The following CDC16 variants were observed in gnomAD, a reference collection of about 807,000 sequenced individuals.
The protein encoded by CDC16 is cell division cycle 16, also known as cell division cycle protein 16 homolog.
Under a neutral mutation model 87.0 loss-of-function variants are expected in CDC16, and 34 were observed. That is an observed-to-expected ratio of 0.39 (90% CI 0.30 to 0.52). CDC16 has a LOEUF of 0.52. Ranked by LOEUF, CDC16 falls within the 20% of genes least tolerant of loss-of-function variation. The pLI is 0.74. For missense variants in CDC16, 653 were observed against 751.9 expected, an observed-to-expected ratio of 0.87 and a Z score of 1.54; for synonymous variants, 263 against 260.6, an observed-to-expected ratio of 1.01 and a Z score of -0.09.
chr13:114,265,655 T>C lies in CDC16; in HGVS notation c.1603+415T>C, dbSNP rs1413537791. On this transcript the variant is annotated intron_variant, in intron 17 of 17. Transcript: ENST00000356221. ...CAATAGAATGTTGAGATGCCATACATTTCCATAACAGTGAATAAGTAATAG... is the reference window on the plus strand; with the variant it reads ...CAATAGAATGTTGAGATGCCATACACTTCCATAACAGTGAATAAGTAATAG... Among the ~76,000 whole-genome samples the C allele has an allele frequency of 5.3e-5, 8 of 152,336 alleles. No homozygotes were observed. The East Asian group carries it at 1.5e-3, about 29-fold the overall frequency.
intron 17 of CDC16, among the ~76,000 whole-genome samples, chr13:114,270,573 G>T (rs114530218): frequency 1.3e-5 from 2 of 151,810 alleles, no homozygotes; most frequent in South Asian, 4.1e-4. Context: ...CCAGGAGTGG[G>T]CACAGGGTCT....
intron 14 of CDC16, among the ~76,000 whole-genome samples, 179 bp downstream of exon 14, chr13:114,259,577 T>A (rs1206788606): frequency 6.6e-6 from 1 of 152,082 alleles, no homozygotes; most frequent in Non-Finnish European, 1.5e-5. Flanking sequence ...AAGAAATGAG[T>A]TTTTTCCCTA....
At chr13:114,253,341 C>T (rs527294813) in intron 12 of CDC16, among the ~76,000 whole-genome samples, 1 of 152,146 alleles carries the variant, frequency 6.6e-6, no homozygotes, top group African/African-American at 2.4e-5. Flanking sequence ...TGTTTTTTAA[C>T]TTAATTCCAT....
Position 114,257,078 on chromosome 13 carries a change from G to A in CDC16, c.1098G>A (p.Gly366=). 2 of 1,521,572 alleles carry A rather than the reference G, an allele frequency of 1.3e-6. No individual in the cohort carries two copies. The highest frequency in any genetic ancestry group is 1.8e-6 in the Non-Finnish European group (2 of 1,123,824). The allele number at this position is 1,521,572 out of a possible 1,614,324, so 94.3% of individuals were successfully genotyped here. A position where few individuals can be genotyped will look rare whatever the true frequency, so the allele number is the denominator to read the frequency against. ...AYFTAAQLMK[G]CHLPMLYIGL... ...TATGTGAAATTTTCCAATTTTTTAG[G>A]TGTCATTTGCCTATGCTGTATATTG... is the stretch of plus-strand genomic sequence containing the variant. Residue 366 remains glycine (G), a splice_region_variant and synonymous_variant, in exon 13 of 18, where the codon GGG becomes GGA. Transcript: ENST00000356221.
chr13:114,255,886 C>T (rs1438143090), intron 12 of CDC16, among the ~76,000 whole-genome samples: 1 of 152,194 alleles, frequency 6.6e-6, no homozygotes, highest in African/African-American at 2.4e-5. Context: ...TTCACCTTAG[C>T]CTCCCAGAGT....
At chr13:114,253,990 C>T (rs979009481) in intron 12 of CDC16, among the ~76,000 whole-genome samples, 22 of 152,198 alleles carry the variant, frequency 1.4e-4, no homozygotes, top group Admixed American at 3.9e-4. Flanking sequence ...TAGGTGTGTA[C>T]ATGTTTATAA....
chr13:114,270,424 T>C (rs1362477787), intron 17 of CDC16, among the ~76,000 whole-genome samples: 1 of 152,172 alleles, frequency 6.6e-6, no homozygotes, highest in African/African-American at 2.4e-5. Flanking sequence ...ACCTCCAACA[T>C]TGAGGATTAC....
chr13:114,245,113 GAGGAA>G, intron 9 of CDC16, 144 bp downstream of exon 9: 1 of 521,504 alleles, frequency 1.9e-6, no homozygotes, highest in South Asian at 2.9e-5. Context: ...AACAACTGGG[GAGGAA>G]ATGTTTAGGA....
At chr13:114,252,749 A>G (rs972241528) in intron 12 of CDC16, among the ~76,000 whole-genome samples, 2 of 152,228 alleles carry the variant, frequency 1.3e-5, no homozygotes, top group African/African-American at 4.8e-5. Flanking sequence ...CAGAATAGTT[A>G]TTAGTTAGTT....
chr13:114,263,587 A>G (rs897799052), intron 16 of CDC16, among the ~76,000 whole-genome samples: 3 of 152,250 alleles, frequency 2.0e-5, no homozygotes, highest in African/African-American at 7.2e-5. Context: ...TAGTACATAC[A>G]TAGAAATGTA....
rs927543999 is a variant in CDC16, at chr13:114,257,156, C to T, written c.1176C>T (p.Ser392=). 1.5e-5 allele frequency: 24 copies of T among 1,613,036 alleles called. No individual in the cohort carries two copies. The highest frequency in any genetic ancestry group is 1.8e-5 in the Non-Finnish European group (21 of 1,179,280). The change falls in exon 13 of 18, where the codon AGC becomes AGT. Residue 392 remains serine (S), a synonymous_variant. Coordinates refer to ENST00000356221, the MANE Select transcript of CDC16 (RefSeq NM_001078645.3). ...CAAAACTAGCTGAAAGGTTCTTCAG[C>T]CAAGCTCTGAGCATTGCACCGGAAG... ...NNSKLAERFF[S]QALSIAPEDP...
chr13:114,265,222 G>T lies in CDC16; in HGVS notation c.1585G>T (p.Asp529Tyr). ...TCATTGCATCGAAATGTACATTGGT[G>T]ATTCTGAAGCTTATATTGGTAAGAT... ...LGHCIEMYIG[D>Y]SEAYIGADIK... The change falls in exon 17 of 18, where the codon GAT (aspartate) becomes TAT (tyrosine). Residue 529 changes from aspartate to tyrosine, a missense_variant. By Grantham distance (160) the Asp-to-Tyr change is radical. Transcript: ENST00000356221. 6.2e-7 allele frequency: 1 copy of T among 1,606,118 alleles called. No homozygotes were observed. Among genetic ancestry groups the T allele is most frequent in the South Asian group, 1.1e-5 (1 of 90,906 alleles).
Position 114,265,138 on chromosome 13 carries a change from CT to C in CDC16, c.1513-8del. Reference sequence around the variant, plus strand: ...TTTTCTTTTAATAACCATGCTGAATCTTTTATGGCAGGCCCTTGGTCTTAGG... The same window carrying C: ...TTTTCTTTTAATAACCATGCTGAATCTTTATGGCAGGCCCTTGGTCTTAGG... On this transcript the variant is annotated splice_polypyrimidine_tract_variant and intron_variant, in intron 16 of 17. Coordinates refer to ENST00000356221, the MANE Select transcript of CDC16 (RefSeq NM_001078645.3). 2 of 1,571,650 alleles carry C rather than the reference CT, an allele frequency of 1.3e-6. No homozygotes were observed. The highest frequency in any genetic ancestry group is 1.8e-6 in the Non-Finnish European group (2 of 1,141,482).
intron 17 of CDC16, among the ~76,000 whole-genome samples, chr13:114,266,398 AAAAC>A (rs1262089567): frequency 1.3e-5 from 2 of 152,312 alleles, no homozygotes; most frequent in East Asian, 3.9e-4. Flanking sequence ...ACTGAGAAGA[AAAAC>A]AAAAAATGAG....
Position 114,258,196 on chromosome 13 carries a change from TTTTAA to T in CDC16, c.1250+968_1250+972del, listed in dbSNP as rs1222647714. ...TGAAGCTTTAAAATAAATAGTAATC[TTTTAA>T]TATAATACAGTAATCATCAGTATTT... On this transcript the variant is annotated intron_variant, in intron 13 of 17. Transcript: ENST00000356221. Among the ~76,000 whole-genome samples the T allele has an allele frequency of 1.5e-4, 23 of 152,376 alleles. No homozygotes were observed. In the East Asian group the frequency reaches 1.9e-3, roughly 13 times the overall value.
At chr13:114,245,883 G>C (rs2081840324) in intron 9 of CDC16, 117 bp from the exon 10 acceptor site, 2 of 646,910 alleles carry the variant, frequency 3.1e-6, no homozygotes, top group South Asian at 3.6e-5. Context: ...GGAAAGACAA[G>C]TATGAAATCA....
chr13:114,252,346 T>TA (rs2082243178), intron 12 of CDC16, among the ~76,000 whole-genome samples: 1 of 152,248 alleles, frequency 6.6e-6, no homozygotes, highest in South Asian at 2.1e-4. Flanking sequence ...GTAACCTTTA[T>TA]TATCTTTTCA....
intron 11 of CDC16, among the ~76,000 whole-genome samples, chr13:114,248,585 G>A (rs1430918359): frequency 2.0e-5 from 3 of 152,146 alleles, no homozygotes; most frequent in Non-Finnish European, 4.4e-5. Context: ...GGAGGCTGAG[G>A]GAGGAGAATT....
Position 114,272,346 on chromosome 13 carries a change from C to T in CDC16, c.1766C>T (p.Thr589Ile). The change falls in exon 18 of 18, where the codon ACT becomes ATT. Residue 589 changes from threonine to isoleucine, a missense_variant. Physicochemically the swap from Thr to Ile is moderately conservative, Grantham distance 89. Transcript: ENST00000356221. Reference sequence around the variant, plus strand: ...ACGCCATTGGAAACCTCAAGGAAAACTCCAGATTCCAGACCTTCCTTGGAA... The same window carrying T: ...ACGCCATTGGAAACCTCAAGGAAAATTCCAGATTCCAGACCTTCCTTGGAA... ...GLTPLETSRK[T>I]PDSRPSLEET... is the part of the protein sequence containing the mutation. 2 of 1,614,138 alleles carry T rather than the reference C, an allele frequency of 1.2e-6. No individual in the cohort carries two copies. Among genetic ancestry groups the T allele is most frequent in the Middle Eastern group, 1.6e-4 (1 of 6,062 alleles).
Sources: allele counts gnomAD v4.1 joint callset (sites outside exome capture counted in the v4.1 genomes callset), GRCh38; gene constraint gnomAD v4.1.1; transcripts MANE v1.5; gene names NCBI Gene and HGNC (gene_info 2026-07-23, HGNC 2026-07-21).